Variants in CSMD3 observed in about 807,000 individuals in gnomAD.
The protein encoded by CSMD3 is CUB and sushi domain-containing protein 3.
Under a neutral mutation model 435.2 loss-of-function variants are expected in CSMD3, and 177 were observed. The ratio of observed to expected loss-of-function variants is 0.41; its 90% CI spans 0.36 to 0.46. The LOEUF (loss-of-function observed/expected upper bound fraction) is 0.46, where lower values mean the gene tolerates loss of function less well. Ranked by LOEUF, CSMD3 falls within the 20% of genes least tolerant of loss-of-function variation. The pLI is 0.34. For missense variants in CSMD3, 4,265 were observed against 4,504.6 expected (o/e 0.95, Z 1.52); for synonymous variants, 1,656 against 1,520.5 (o/e 1.09, Z -2.07).
At chr8:112,659,997 T>G (rs1586911101) in intron 17 of CSMD3, among the ~76,000 whole-genome samples, 1 of 152,236 alleles carries the variant, frequency 6.6e-6, no homozygotes, top group Non-Finnish European at 1.5e-5. Flanking sequence ...TATCTGATTT[T>G]TACAAATTTT....
At chr8:112,474,616 G>A (rs569193448) in intron 31 of CSMD3, among the ~76,000 whole-genome samples, 2 of 152,244 alleles carry the variant, frequency 1.3e-5, no homozygotes, top group Admixed American at 6.5e-5. Context: ...GTTTTATACT[G>A]GGAATTTATT....
At chr8:112,497,148 A>T (rs1821432939) in intron 30 of CSMD3, among the ~76,000 whole-genome samples, 1 of 151,990 alleles carries the variant, frequency 6.6e-6, no homozygotes, top group South Asian at 2.1e-4. Context: ...TATTTGTGGG[A>T]GATAAAAATT....
At chr8:112,659,146 T>TA (rs1294524431) in intron 17 of CSMD3, among the ~76,000 whole-genome samples, 2,428 of 152,220 alleles carry the variant, frequency 0.016, 62 homozygotes, top group African/African-American at 0.055. Context: ...AATAGCAACA[T>TA]TAACTGGTGA....
intron 10 of CSMD3, among the ~76,000 whole-genome samples, chr8:112,871,360 T>A (rs930816188): frequency 5.3e-5 from 8 of 152,152 alleles, no homozygotes; most frequent in African/African-American, 1.9e-4. Context: ...ATACTTCTAA[T>A]AAATTAGTAA....
At chr8:112,259,240 C>T (rs1256288147) in intron 61 of CSMD3, among the ~76,000 whole-genome samples, 1 of 151,720 alleles carries the variant, frequency 6.6e-6, no homozygotes, top group Non-Finnish European at 1.5e-5. Context: ...CATATATACA[C>T]CATGGAATAC....
chr8:112,631,809 T>A (rs967511311), intron 22 of CSMD3, among the ~76,000 whole-genome samples: 3 of 151,858 alleles, frequency 2.0e-5, no homozygotes, highest in African/African-American at 4.8e-5. Context: ...TAAAAAAAAA[T>A]TGGGTTAAAT....
chr8:112,646,016 G>C (rs2074969867), intron 19 of CSMD3, among the ~76,000 whole-genome samples: 1 of 152,126 alleles, frequency 6.6e-6, no homozygotes, highest in South Asian at 2.1e-4. Context: ...ACAGCCAAGG[G>C]CAGTAAGAAT....
intron 22 of CSMD3, among the ~76,000 whole-genome samples, chr8:112,599,640 C>T (rs1327827599): frequency 6.6e-6 from 1 of 151,570 alleles, no homozygotes; most frequent in Non-Finnish European, 1.5e-5. Context: ...CAGTGATAAA[C>T]TGGATTAAGA....
chr8:112,851,268 G>A (rs1290133434), intron 11 of CSMD3, among the ~76,000 whole-genome samples: 1 of 152,086 alleles, frequency 6.6e-6, no homozygotes, highest in African/African-American at 2.4e-5. Context: ...CACCCGGAAT[G>A]GCAGAAAGGT....
chr8:113,162,896 C>T (rs1274256481), intron 4 of CSMD3, among the ~76,000 whole-genome samples: 2 of 152,134 alleles, frequency 1.3e-5, no homozygotes, highest in Non-Finnish European at 2.9e-5. Flanking sequence ...ATACTCTTCA[C>T]ACCACGTTAA....
rs976253783 is a variant in CSMD3, at chr8:112,318,785, A to G, written c.7360+52T>C. 8.1e-6 allele frequency: 10 copies of G among 1,236,902 alleles called. No individual in the cohort carries two copies. The African/African-American group carries it at 1.5e-4, about 19-fold the overall frequency. The allele number at this position is 1,236,902 out of a possible 1,614,324, so 76.6% of individuals were successfully genotyped here. A position where few individuals can be genotyped will look rare whatever the true frequency, so the allele number is the denominator to read the frequency against. ...TTCTCAATCATACCTATATTAAGTT[A>G]AACATAAAGCAAATATTTAAGAAAT... On this transcript the variant is annotated intron_variant, in intron 47 of 70. Coordinates refer to ENST00000297405, the MANE Select transcript of CSMD3 (RefSeq NM_198123.2).
intron 5 of CSMD3, among the ~76,000 whole-genome samples, chr8:113,093,639 T>C (rs1265475835): frequency 2.6e-5 from 4 of 152,100 alleles, no homozygotes; most frequent in South Asian, 2.1e-4. Context: ...ATGACACTCC[T>C]GAGTAGTTGA....
intron 1 of CSMD3, among the ~76,000 whole-genome samples, chr8:113,390,363 T>C (rs1234860605): frequency 2.6e-5 from 4 of 151,826 alleles, no homozygotes; most frequent in Non-Finnish European, 5.9e-5. Flanking sequence ...TAGAATTTTC[T>C]CTCCTAACTT....
chr8:112,586,995 T>A, intron 23 of CSMD3, 71 bp downstream of exon 23: 1 of 1,026,024 alleles, frequency 9.7e-7, no homozygotes, highest in South Asian at 1.3e-5. Flanking sequence ...TATAGATGTA[T>A]ATATTTATCT....
At chr8:113,263,879 T>G (rs771745210) in intron 3 of CSMD3, among the ~76,000 whole-genome samples, 2 of 151,804 alleles carry the variant, frequency 1.3e-5, no homozygotes, top group Non-Finnish European at 2.9e-5. Flanking sequence ...ACTGAGAAAA[T>G]GAAATTTGAG....
intron 18 of CSMD3, among the ~76,000 whole-genome samples, chr8:112,654,849 C>G (rs1192191368): frequency 6.6e-6 from 1 of 152,090 alleles, no homozygotes; most frequent in African/African-American, 2.4e-5. Context: ...GAAAAGCTGC[C>G]TGCATATTGA....
At chr8:113,079,185 T>C (rs1045720057) in intron 5 of CSMD3, among the ~76,000 whole-genome samples, 3 of 152,194 alleles carry the variant, frequency 2.0e-5, no homozygotes, top group Admixed American at 6.5e-5. Flanking sequence ...ATCGAGCAGA[T>C]GATTGAGATA....
At chr8:112,960,197 C>A (rs931664154) in intron 7 of CSMD3, among the ~76,000 whole-genome samples, 1 of 143,376 alleles carries the variant, frequency 7.0e-6, no homozygotes, top group Non-Finnish European at 1.5e-5. Flanking sequence ...TTTTTTTTTT[C>A]TACATCCTGT....
At chr8:112,324,746 A>C (rs561552310) in intron 45 of CSMD3, among the ~76,000 whole-genome samples, 1 of 152,060 alleles carries the variant, frequency 6.6e-6, no homozygotes, top group African/African-American at 2.4e-5. Context: ...GCCTTTAAAG[A>C]GATTTAAGTT....
Sources: allele counts gnomAD v4.1 joint callset (sites outside exome capture counted in the v4.1 genomes callset), GRCh38; gene constraint gnomAD v4.1.1; transcripts MANE v1.5; gene names NCBI Gene and HGNC (gene_info 2026-07-23, HGNC 2026-07-21).